Variants in DHRS4 observed in about 807,000 individuals in gnomAD.
The protein encoded by DHRS4 is dehydrogenase/reductase 4.
DHRS4 carries 20 observed loss-of-function variants against 28.4 expected under a neutral mutation model. The ratio of observed to expected loss-of-function variants is 0.71; its 90% CI spans 0.50 to 1.02. The LOEUF (loss-of-function observed/expected upper bound fraction) is 1.02, where lower values mean the gene tolerates loss of function less well. Among genes scored for constraint, DHRS4 ranks in the 50% least tolerant of loss-of-function variants. The probability of loss-of-function intolerance (pLI) is 0.00; values close to 1 mark genes in which losing one functional copy is unlikely to be tolerated. For missense variants in DHRS4, 378 were observed against 367.2 expected, an observed-to-expected ratio of 1.03 and a Z score of -0.24; for synonymous variants, 144 against 146.4, an observed-to-expected ratio of 0.98 and a Z score of 0.12.
At chr14:23,960,101 G>A in intron 3 of DHRS4, 98 bp downstream of exon 3, 3 of 1,155,066 alleles carry the variant, frequency 2.6e-6, no homozygotes, top group Admixed American at 1.7e-5. Flanking sequence ...CAAGGGCAGT[G>A]TAAATGTGAG....
intron 4 of DHRS4, 28 bp from the exon 5 acceptor site, chr14:23,965,904 A>C (rs2033596666): frequency 2.5e-6 from 4 of 1,606,906 alleles, no homozygotes; most frequent in Non-Finnish European, 2.6e-6. Flanking sequence ...CCACAATGGG[A>C]AGATGGTCAG....
chr14:23,955,439 G>T (rs2033097513), intron 2 of DHRS4, among the ~76,000 whole-genome samples: 2 of 152,232 alleles, frequency 1.3e-5, no homozygotes, highest in South Asian at 4.2e-4. Context: ...AGCTGGTACT[G>T]GTTCTGCAGT....
rs147353351 is a variant in DHRS4 at position 23,960,030 on chromosome 14, CG to C, written c.408+35del. 6,912 of 1,031,748 alleles carry C rather than the reference CG, an allele frequency of 6.7e-3. 496 individuals are homozygous for C. The African/African-American group carries it at 0.085, about 13-fold the overall frequency. The allele number at this position is 1,031,748 out of a possible 1,614,324, so 63.9% of individuals were successfully genotyped here. The stretch of plus-strand genomic sequence containing the variant: ...TGAGAGGGGATTAAAGCAGGGGGGC[CG>C]GGGGGGGCGCCTTGGAACACATTCA... On this transcript the variant is annotated intron_variant, in intron 3 of 7. Coordinates refer to ENST00000313250, the MANE Select transcript of DHRS4 (RefSeq NM_021004.4).
chr14:23,967,048 G>T (rs1295238372), intron 6 of DHRS4, among the ~76,000 whole-genome samples, 163 bp from the exon 7 acceptor site: 3 of 152,032 alleles, frequency 2.0e-5, no homozygotes, highest in Admixed American at 2.0e-4. Flanking sequence ...CCAGCTACTC[G>T]GGAGGCTGAG....
At position 23,968,823 on chromosome 14, in the gene DHRS4, C is replaced by T; in HGVS notation, c.789C>T (p.Ile263=). ...SFLCSEDASY[I]TGETVVVGGG... ...TGTGCTCTGAAGATGCCAGCTACAT[C>T]ACTGGGGAAACAGTGGTGGTGGGTG... The change falls in exon 8 of 8, where the codon ATC becomes ATT. Residue 263 remains isoleucine (I), a synonymous_variant. Transcript: ENST00000313250. 6.2e-7 allele frequency: 1 copy of T among 1,610,904 alleles called. No individual in the cohort carries two copies.
At chr14:23,959,782 G>A (rs2033332218) in intron 2 of DHRS4, 120 bp from the exon 3 acceptor site, 4 of 1,246,750 alleles carry the variant, frequency 3.2e-6, no homozygotes, top group Non-Finnish European at 4.6e-6. Flanking sequence ...GCCTCCCAAA[G>A]TGCCATGATT....
Position 23,953,923 on chromosome 14 carries a change from G to C in DHRS4, c.128+7G>C. 6.3e-7 allele frequency: 1 copy of C among 1,575,756 alleles called. No homozygotes were observed. Among genetic ancestry groups the C allele is most frequent in the Non-Finnish European group, 8.6e-7 (1 of 1,161,506 alleles). On this transcript the variant is annotated splice_region_variant and intron_variant, in intron 1 of 7. Coordinates refer to ENST00000313250, the MANE Select transcript of DHRS4 (RefSeq NM_021004.4). The stretch of plus-strand genomic sequence containing the variant: ...TAACGGCCTCCACCGACGGGTGAGT[G>C]CTCCGGCCGGAGTTTCTGAGGCCCT...
chr14:23,959,547 G>T lies in DHRS4; in HGVS notation c.307-355G>T, dbSNP rs140030771. Among the ~76,000 whole-genome samples, 13 of 152,268 alleles carry T rather than the reference G, an allele frequency of 8.5e-5. No individual in the cohort carries two copies. In the East Asian group the frequency reaches 2.5e-3, roughly 29 times the overall value. On this transcript the variant is annotated intron_variant, in intron 2 of 7. Coordinates refer to ENST00000313250, the MANE Select transcript of DHRS4 (RefSeq NM_021004.4). Reference sequence around the variant, plus strand: ...TGCTCCAGTCTGGATGACAGAGCAAGACTCCGTCTAAAAAAGAAAGAAGCC... The same window carrying T: ...TGCTCCAGTCTGGATGACAGAGCAATACTCCGTCTAAAAAAGAAAGAAGCC...
intron 1 of DHRS4, 44 bp from the exon 2 acceptor site, chr14:23,954,991 C>T: frequency 6.2e-7 from 1 of 1,609,786 alleles, no homozygotes; most frequent in Non-Finnish European, 8.5e-7. Context: ...TCGACCTCTT[C>T]CCCTGCACAG....
chr14:23,961,573 C>A (rs1019737717), intron 3 of DHRS4, among the ~76,000 whole-genome samples: 1 of 118,040 alleles, frequency 8.5e-6, no homozygotes, highest in African/African-American at 4.1e-5. Context: ...GGCTAGAGGG[C>A]TGTGGTGTGA....
In DHRS4 at chr14:23,953,936, T is replaced by C; in HGVS notation, c.128+20T>C. On this transcript the variant is annotated intron_variant, in intron 1 of 7. Transcript: ENST00000313250. ...CGACGGGTGAGTGCTCCGGCCGGAGTTTCTGAGGCCCTGGCTGCCTGGAAA... is the reference window on the plus strand; with the variant it reads ...CGACGGGTGAGTGCTCCGGCCGGAGCTTCTGAGGCCCTGGCTGCCTGGAAA... 3.8e-6 allele frequency: 6 copies of C among 1,565,532 alleles called. No individual in the cohort carries two copies. The highest frequency in any genetic ancestry group is 5.2e-6 in the Non-Finnish European group (6 of 1,156,004).
At position 23,968,730 on chromosome 14, in the gene DHRS4, T is replaced by G. The variant is rs199994659; in HGVS notation, c.723-27T>G. On this transcript the variant is annotated intron_variant, in intron 7 of 7. Coordinates refer to ENST00000313250, the MANE Select transcript of DHRS4 (RefSeq NM_021004.4). ...GAGGCAGAACTGTTTGATTTTTACC[T>G]CCTTCCTTGCTTCCCTTATTCCCCA... The G allele has an allele frequency of 5.0e-6, 8 of 1,604,316 alleles. No individual in the cohort carries two copies. The African/African-American group carries it at 1.1e-4, about 22-fold the overall frequency.
rs1248889202 is a variant in DHRS4 at position 23,960,150 on chromosome 14, G to A, written c.408+147G>A. ...GTGCCACACACCTGGAGCACACCTT[G>A]CAAAGGGCGGGTGGGGGTGGCTCTA... On this transcript the variant is annotated intron_variant, in intron 3 of 7. Coordinates refer to ENST00000313250, the MANE Select transcript of DHRS4 (RefSeq NM_021004.4). The A allele has an allele frequency of 1.3e-5, 11 of 835,940 alleles. No individual in the cohort carries two copies. The Admixed American group carries it at 1.4e-4, about 11-fold the overall frequency. The allele number at this position is 835,940 out of a possible 1,614,324, so 51.8% of individuals were successfully genotyped here.
chr14:23,967,776 CCT>C (rs2033684277), intron 7 of DHRS4: 1 of 179,398 alleles, frequency 5.6e-6, no homozygotes, highest in South Asian at 3.8e-5. Context: ...AAGTTCCCTG[CCT>C]CTCTCTACCT....
chr14:23,956,103 A>G (rs981344746), intron 2 of DHRS4, among the ~76,000 whole-genome samples: 15 of 152,238 alleles, frequency 9.9e-5, no homozygotes, highest in Non-Finnish European at 7.3e-5. Context: ...GGGTAATTCC[A>G]TTTTTAAGGA....
Position 23,966,317 on chromosome 14 carries a change from T to C in DHRS4, c.566T>C (p.Leu189Ser). The C allele has an allele frequency of 6.2e-7, 1 of 1,614,046 alleles. No individual in the cohort carries two copies. Among genetic ancestry groups the C allele is most frequent in the Non-Finnish European group, 8.5e-7 (1 of 1,180,022 alleles). ...CCTTACAATGTCAGTAAAACAGCCT[T>C]GCTGGGCCTGACCAAGACCCTGGCC... ...FSPYNVSKTA[L>S]LGLTKTLAIE... The change falls in exon 6 of 8, where the codon TTG becomes TCG. Residue 189 changes from leucine to serine, a missense_variant. Physicochemically the swap from Leu to Ser is moderately radical, Grantham distance 145. Transcript: ENST00000313250.
rs777528915 is a variant in DHRS4 at position 23,967,198 on chromosome 14, C to A, written c.667-13C>A. 12 of 1,607,558 alleles carry A rather than the reference C, an allele frequency of 7.5e-6. No individual in the cohort carries two copies. The highest frequency in any genetic ancestry group is 8.5e-6 in the Non-Finnish European group (10 of 1,178,068). ...AAAAAAAAAACATAAAGAGATTTCC[C>A]TTCTTCCTGCAGCTCTGGATGGACA... On this transcript the variant is annotated splice_polypyrimidine_tract_variant and intron_variant, in intron 6 of 7. Transcript: ENST00000313250.
chr14:23,966,277 C>A lies in DHRS4; in HGVS notation c.532-6C>A. 1 of 1,610,852 alleles carries A rather than the reference C, an allele frequency of 6.2e-7. No individual in the cohort carries two copies. Among genetic ancestry groups the A allele is most frequent in the Non-Finnish European group, 8.5e-7 (1 of 1,178,748 alleles). On this transcript the variant is annotated splice_polypyrimidine_tract_variant and splice_region_variant and intron_variant, in intron 5 of 7. Coordinates refer to ENST00000313250, the MANE Select transcript of DHRS4 (RefSeq NM_021004.4). ...ATGAGTCTAACACATTCTCTTCTTT[C>A]TCCAGGGCTTCAGTCCTTACAATGT...
rs1471463274 is a variant in DHRS4, at chr14:23,959,887, T to G, written c.307-15T>G. ...CTTACTGCAGCCCTGGTCCAGAACT[T>G]ACCCCTCTCTCTAGGCTGTGAAGCT... On this transcript the variant is annotated splice_polypyrimidine_tract_variant and intron_variant, in intron 2 of 7. Transcript: ENST00000313250. 20 of 1,612,238 alleles carry G rather than the reference T, an allele frequency of 1.2e-5. No homozygotes were observed. Among genetic ancestry groups the G allele is most frequent in the Non-Finnish European group, 1.7e-5 (20 of 1,179,208 alleles).
Sources: gnomAD v4.1 joint callset for allele counts (sites outside exome capture counted in the v4.1 genomes callset) on GRCh38, gnomAD v4.1.1 for gene constraint, MANE v1.5 for transcripts, NCBI Gene and HGNC (gene_info 2026-07-23, HGNC 2026-07-21) for gene names.